GABRB1: variants seen among roughly 807,000 people sequenced by gnomAD.
The protein encoded by GABRB1 is gamma-aminobutyric acid type A receptor subunit beta1.
In GABRB1, 17 loss-of-function variants were observed where a neutral mutation model predicts 51.6. The ratio of observed to expected loss-of-function variants is 0.33; its 90% CI spans 0.23 to 0.49. The LOEUF is 0.49. Ranked by LOEUF, GABRB1 falls within the 20% of genes least tolerant of loss-of-function variation. GABRB1 has a pLI of 0.99. For missense variants in GABRB1, 410 were observed against 600.6 expected, an observed-to-expected ratio of 0.68 and a Z score of 3.32; for synonymous variants, 247 against 218.9, an observed-to-expected ratio of 1.13 and a Z score of -1.14.
At chr4:47,154,102 G>T (rs1473175962) in intron 3 of GABRB1, among the ~76,000 whole-genome samples, 6 of 152,120 alleles carry the variant, frequency 3.9e-5, no homozygotes, top group African/African-American at 1.4e-4. Flanking sequence ...GCTTTAGAAT[G>T]TACTTAATGG....
chr4:47,383,954 C>T (rs1198592183), intron 5 of GABRB1, among the ~76,000 whole-genome samples: 1 of 152,128 alleles, frequency 6.6e-6, no homozygotes, highest in Non-Finnish European at 1.5e-5. Context: ...AAACCTAAAA[C>T]TCCTGTAACT....
intron 5 of GABRB1, among the ~76,000 whole-genome samples, chr4:47,350,214 T>TAGAGAGAGAGAGAGAG (rs1477528549): frequency 2.5e-5 from 2 of 79,724 alleles, no homozygotes; most frequent in African/African-American, 1.1e-4. Context: ...TATATATATA[T>TAGAGAGAGAGAGAGAG]ATATAGAGAG....
chr4:47,348,535 T>C (rs1328839548), intron 5 of GABRB1, among the ~76,000 whole-genome samples: 4 of 152,106 alleles, frequency 2.6e-5, no homozygotes, highest in Non-Finnish European at 5.9e-5. Flanking sequence ...TAGGCTTGGG[T>C]TCCCTCCCCT....
chr4:47,195,193 C>T (rs556951773), intron 4 of GABRB1, among the ~76,000 whole-genome samples: 4 of 152,152 alleles, frequency 2.6e-5, no homozygotes, highest in Admixed American at 6.5e-5. Context: ...AGTGAAACCC[C>T]GTCTCTACTA....
At chr4:47,015,846 C>T (rs1040608019) in intron 1 of GABRB1, among the ~76,000 whole-genome samples, 1 of 152,078 alleles carries the variant, frequency 6.6e-6, no homozygotes, top group South Asian at 2.1e-4. Context: ...TTTTGAGATC[C>T]TACAGCATAC....
chr4:47,295,640 C>A (rs963016582), intron 4 of GABRB1, among the ~76,000 whole-genome samples: 1 of 152,174 alleles, frequency 6.6e-6, no homozygotes, highest in African/African-American at 2.4e-5. Flanking sequence ...GACTGGTGTA[C>A]CTGAAAGTGA....
intron 4 of GABRB1, among the ~76,000 whole-genome samples, chr4:47,301,251 T>A (rs1034392187): frequency 6.6e-6 from 1 of 152,106 alleles, no homozygotes; most frequent in African/African-American, 2.4e-5. Context: ...ATAAATCCAT[T>A]GGATATTATA....
chr4:47,170,112 T>C (rs1030359526), intron 4 of GABRB1, among the ~76,000 whole-genome samples: 1 of 152,160 alleles, frequency 6.6e-6, no homozygotes, highest in Non-Finnish European at 1.5e-5. Context: ...AGTCTAATGT[T>C]AACTAAAAAC....
At chr4:47,415,003 T>C (rs114737199) in intron 8 of GABRB1, among the ~76,000 whole-genome samples, 1,657 of 152,322 alleles carry the variant, frequency 0.011, 37 homozygotes, top group African/African-American at 0.038. Context: ...AGTTCATGAA[T>C]TTCTTTATTC....
chr4:47,074,151 C>T (rs1052079947), intron 3 of GABRB1, among the ~76,000 whole-genome samples: 11 of 151,984 alleles, frequency 7.2e-5, no homozygotes, highest in African/African-American at 1.7e-4. Context: ...TTCTCACAAA[C>T]GGAACAGTGA....
At chr4:47,194,263 A>G (rs1373672110) in intron 4 of GABRB1, among the ~76,000 whole-genome samples, 3 of 152,200 alleles carry the variant, frequency 2.0e-5, no homozygotes, top group African/African-American at 7.2e-5. Context: ...CACATATTCC[A>G]AATTTGGAAC....
At chr4:47,351,144 T>C (rs1726313461) in intron 5 of GABRB1, among the ~76,000 whole-genome samples, 1 of 152,198 alleles carries the variant, frequency 6.6e-6, no homozygotes, top group Admixed American at 6.5e-5. Context: ...GGCTACCAGA[T>C]TAGACACGAT....
At chr4:47,038,608 TGAG>T (rs1268184228) in intron 3 of GABRB1, among the ~76,000 whole-genome samples, 1 of 152,158 alleles carries the variant, frequency 6.6e-6, no homozygotes, top group Non-Finnish European at 1.5e-5. Flanking sequence ...ATGAGGTGAC[TGAG>T]AAATGAGGGA....
At chr4:47,049,553 A>G (rs923979782) in intron 3 of GABRB1, among the ~76,000 whole-genome samples, 3 of 152,218 alleles carry the variant, frequency 2.0e-5, no homozygotes, top group African/African-American at 7.2e-5. Flanking sequence ...GGGAAATTAC[A>G]TTATGAAATG....
intron 3 of GABRB1, among the ~76,000 whole-genome samples, chr4:47,044,242 T>G (rs2109494296): frequency 6.6e-6 from 1 of 152,188 alleles, no homozygotes; most frequent in Admixed American, 6.5e-5. Flanking sequence ...ACGTTAATAT[T>G]TTGTAGTTTT....
intron 4 of GABRB1, among the ~76,000 whole-genome samples, chr4:47,213,502 C>A (rs1224475584): frequency 1.3e-5 from 2 of 151,896 alleles, no homozygotes; most frequent in African/African-American, 4.8e-5. Context: ...TTCTCTTCAT[C>A]TCCCCCTCCT....
intron 4 of GABRB1, among the ~76,000 whole-genome samples, chr4:47,181,613 GTGCCTATCGC>G: frequency 6.6e-6 from 1 of 152,050 alleles, no homozygotes; most frequent in South Asian, 2.1e-4. Flanking sequence ...AAAAATAGTA[GTGCCTATCGC>G]ATAGGGTTGT....
intron 3 of GABRB1, among the ~76,000 whole-genome samples, chr4:47,055,378 G>A (rs1726543331): frequency 6.6e-6 from 1 of 152,166 alleles, no homozygotes; most frequent in African/African-American, 2.4e-5. Context: ...CATTAATGCA[G>A]TTATTTGTTG....
intron 4 of GABRB1, among the ~76,000 whole-genome samples, chr4:47,213,582 T>A (rs1388216605): frequency 6.6e-6 from 1 of 152,050 alleles, no homozygotes. Flanking sequence ...TCTAACTGTG[T>A]TTTGATGCCT....
Sources: allele counts gnomAD v4.1 joint callset (sites outside exome capture counted in the v4.1 genomes callset), GRCh38; gene constraint gnomAD v4.1.1; transcripts MANE v1.5; gene names NCBI Gene and HGNC (gene_info 2026-07-23, HGNC 2026-07-21).